SLC26A2: variants seen among roughly 807,000 people sequenced by gnomAD.
The protein encoded by SLC26A2 is solute carrier family 26 member 2.
Under a neutral mutation model 41.1 loss-of-function variants are expected in SLC26A2, and 36 were observed. The observed-to-expected ratio is 0.88, with a 90% CI of 0.67 to 1.16. SLC26A2 has a LOEUF of 1.16. SLC26A2 is among the 50% of genes most tolerant of loss of function. The probability of loss-of-function intolerance (pLI) is 0.00; values close to 1 mark genes in which losing one functional copy is unlikely to be tolerated. For missense variants in SLC26A2, 796 were observed against 869.6 expected (o/e 0.92, Z 1.07); for synonymous variants, 291 against 311.6 (o/e 0.93, Z 0.70).
Position 149,977,889 on chromosome 5 carries a change from G to C in SLC26A2, c.237G>C (p.Gln79His). The C allele has an allele frequency of 6.2e-7, 1 of 1,614,206 alleles. No individual in the cohort carries two copies. The change falls in exon 2 of 3, where the codon CAG becomes CAC. Residue 79 changes from glutamine to histidine, a missense_variant. Transcript: ENST00000286298. Reference protein sequence around the residue: ...FVIKKLQKNCQCSPAKAKNMI... With the variant: ...FVIKKLQKNCHCSPAKAKNMI... Reference sequence around the variant, plus strand: ...TTAAAAAGCTGCAGAAGAATTGCCAGTGCAGTCCAGCCAAAGCCAAAAATA... The same window carrying C: ...TTAAAAAGCTGCAGAAGAATTGCCACTGCAGTCCAGCCAAAGCCAAAAATA...
chr5:149,981,423 G>C lies in SLC26A2; in HGVS notation c.1830G>C (p.Lys610Asn). Residue 610 changes from lysine (K) to asparagine (N), a missense_variant, in exon 3 of 3, where the codon AAG becomes AAC. Physicochemically the swap from Lys to Asn is moderately conservative, Grantham distance 94. Transcript: ENST00000286298. ...AAACTGTCAACCCAATCTTAATAAA[G>C]GTGGCTTGGAAGAAGGCAGCAAAGA... ...YKQTVNPILI[K>N]VAWKKAAKRK... 1 of 1,613,930 alleles carries C rather than the reference G, an allele frequency of 6.2e-7. No individual in the cohort carries two copies. The highest frequency in any genetic ancestry group is 2.2e-5 in the East Asian group (1 of 44,882).
chr5:149,977,639 ATC>A lies in SLC26A2; in HGVS notation c.-12_-11del, dbSNP rs1319388959. Reference sequence around the variant, plus strand: ...TTTCTCTGGTGTAGGAAGCTGAACCATCTATCTCCAGAAATGTCTTCAGAAAG... The same window carrying A: ...TTTCTCTGGTGTAGGAAGCTGAACCATATCTCCAGAAATGTCTTCAGAAAG... On this transcript the variant is annotated 5_prime_UTR_variant, in exon 2 of 3. Coordinates refer to ENST00000286298, the MANE Select transcript of SLC26A2 (RefSeq NM_000112.4). 1 of 1,576,070 alleles carries A rather than the reference ATC, an allele frequency of 6.3e-7. No homozygotes were observed. The highest frequency in any genetic ancestry group is 8.7e-7 in the Non-Finnish European group (1 of 1,145,626).
At chr5:149,969,058 GA>G (rs1754857238) in intron 1 of SLC26A2, among the ~76,000 whole-genome samples, 1 of 152,110 alleles carries the variant, frequency 6.6e-6, no homozygotes, top group Non-Finnish European at 1.5e-5. Context: ...GTCTTTTAAA[GA>G]AACAAAAATT....
At chr5:149,965,207 G>A (rs947273276) in intron 1 of SLC26A2, among the ~76,000 whole-genome samples, 2 of 152,196 alleles carry the variant, frequency 1.3e-5, no homozygotes, top group African/African-American at 4.8e-5. Flanking sequence ...GTGTGGCTGG[G>A]CGCGGTGGCT....
Position 149,981,246 on chromosome 5 carries a change from T to C in SLC26A2, c.1653T>C (p.Ser551=). 6.2e-7 allele frequency: 1 copy of C among 1,614,138 alleles called. No homozygotes were observed. Among genetic ancestry groups the C allele is most frequent in the Non-Finnish European group, 8.5e-7 (1 of 1,180,018 alleles). Residue 551 remains serine, a synonymous_variant, in exon 3 of 3, where the codon AGT becomes AGC. Coordinates refer to ENST00000286298, the MANE Select transcript of SLC26A2 (RefSeq NM_000112.4). ...CVILRTQKPK[S]SLLGLVEESE... is the part of the protein sequence containing the mutation. ...TCCTCCGCACTCAGAAGCCAAAGAG[T>C]TCACTGCTTGGCTTGGTGGAAGAGT...
intron 1 of SLC26A2, among the ~76,000 whole-genome samples, chr5:149,963,275 A>G (rs992624766): frequency 1.4e-5 from 2 of 146,546 alleles, no homozygotes; most frequent in Non-Finnish European, 3.0e-5. Flanking sequence ...ACGCCTGGCT[A>G]ATTTTTTTTT....
In SLC26A2 at chr5:149,980,437, G is replaced by C. The variant is rs571410872; in HGVS notation, c.844G>C (p.Gly282Arg). 12 of 1,613,994 alleles carry C rather than the reference G, an allele frequency of 7.4e-6. No homozygotes were observed. In the East Asian group the frequency reaches 1.6e-4, roughly 21 times the overall value. Residue 282 changes from glycine (G) to arginine (R), a missense_variant, in exon 3 of 3, where the codon GGT becomes CGT. Physicochemically the swap from Gly to Arg is moderately radical, Grantham distance 125. Transcript: ENST00000286298. Reference protein sequence around the residue: ...LLGLNLPRTNGVGSLITTWIH... With the variant: ...LLGLNLPRTNRVGSLITTWIH... ...TGGGCTCAACCTTCCTCGGACTAAT[G>C]GTGTGGGCTCACTCATCACTACCTG...
intron 1 of SLC26A2, among the ~76,000 whole-genome samples, chr5:149,970,233 C>T (rs1754878087): frequency 6.6e-6 from 1 of 152,098 alleles, no homozygotes; most frequent in South Asian, 2.1e-4. Context: ...TGAGGCCAGG[C>T]ATGGTGGCTC....
chr5:149,963,963 A>C (rs1364158988), intron 1 of SLC26A2, among the ~76,000 whole-genome samples: 1 of 152,114 alleles, frequency 6.6e-6, no homozygotes, highest in African/African-American at 2.4e-5. Flanking sequence ...AAAGGCCCCA[A>C]GGGCAAAGGC....
rs1159380577 is a variant in SLC26A2, at chr5:149,981,377, T to C, written c.1784T>C (p.Phe595Ser). Residue 595 changes from phenylalanine to serine, a missense_variant, in exon 3 of 3, where the codon TTT (phenylalanine) becomes TCT (serine). Phe to Ser is a radical substitution (Grantham distance 155, BLOSUM62 -2). Coordinates refer to ENST00000286298, the MANE Select transcript of SLC26A2 (RefSeq NM_000112.4). ...APLYYINKEC[F>S]KSALYKQTVN... ...CTCTACTACATAAACAAAGAATGCT[T>C]TAAATCTGCTTTATACAAACAAACT... 1 of 1,614,090 alleles carries C rather than the reference T, an allele frequency of 6.2e-7. No individual in the cohort carries two copies. The highest frequency in any genetic ancestry group is 1.6e-4 in the Middle Eastern group (1 of 6,062).
In SLC26A2 at chr5:149,982,298, G is replaced by A. The variant is rs1396262381; in HGVS notation, c.*485G>A. The A allele has an allele frequency of 1.3e-5, 2 of 153,774 alleles. No homozygotes were observed. Among genetic ancestry groups the A allele is most frequent in the African/African-American group, 2.4e-5 (1 of 41,462 alleles). 9.5% of individuals were successfully genotyped at this position (153,774 alleles called of 1,614,324 possible). ...GGATCACAAAGTCATAACTAGACAG[G>A]TTTGTTCTTGTAGTTTTCTATCCCC... is the stretch of plus-strand genomic sequence containing the variant. On this transcript the variant is annotated 3_prime_UTR_variant, in exon 3 of 3. Transcript: ENST00000286298.
chr5:149,977,647 C>G lies in SLC26A2; in HGVS notation c.-6C>G, dbSNP rs1378895396. On this transcript the variant is annotated 5_prime_UTR_variant, in exon 2 of 3. Coordinates refer to ENST00000286298, the MANE Select transcript of SLC26A2 (RefSeq NM_000112.4). ...GTGTAGGAAGCTGAACCATCTATCTCCAGAAATGTCTTCAGAAAGTAAAGA... is the reference window on the plus strand; with the variant it reads ...GTGTAGGAAGCTGAACCATCTATCTGCAGAAATGTCTTCAGAAAGTAAAGA... 2 of 1,603,436 alleles carry G rather than the reference C, an allele frequency of 1.2e-6. No homozygotes were observed. The highest frequency in any genetic ancestry group is 1.7e-6 in the Non-Finnish European group (2 of 1,170,562).
At chr5:149,963,186 T>C (rs577654751) in intron 1 of SLC26A2, among the ~76,000 whole-genome samples, 2 of 152,174 alleles carry the variant, frequency 1.3e-5, no homozygotes, top group East Asian at 3.9e-4. Context: ...CTTGGCTCAC[T>C]GCAATCTCTG....
chr5:149,965,703 A>G (rs142147036), intron 1 of SLC26A2, among the ~76,000 whole-genome samples: 10 of 152,118 alleles, frequency 6.6e-5, no homozygotes, highest in Admixed American at 3.9e-4. Flanking sequence ...TTAAGACTTC[A>G]GGTTTTCCAC....
chr5:149,960,930 A>T lies in SLC26A2; in HGVS notation c.-75A>T. On this transcript the variant is annotated 5_prime_UTR_variant, in exon 1 of 3. Coordinates refer to ENST00000286298, the MANE Select transcript of SLC26A2 (RefSeq NM_000112.4). ...GTCCACCTCAGTCAGGCCACGGTGGAAGACGCGTGCCGCGGCGCCTGGTTG... is the reference window on the plus strand; with the variant it reads ...GTCCACCTCAGTCAGGCCACGGTGGTAGACGCGTGCCGCGGCGCCTGGTTG... 1 of 152,646 alleles carries T rather than the reference A, an allele frequency of 6.6e-6. No individual in the cohort carries two copies. Among genetic ancestry groups the T allele is most frequent in the Non-Finnish European group, 1.5e-5 (1 of 68,422 alleles). 9.5% of individuals were successfully genotyped at this position (152,646 alleles called of 1,614,324 possible). A position where few individuals can be genotyped will look rare whatever the true frequency, so the allele number is the denominator to read the frequency against.
At chr5:149,969,489 T>G (rs551791475) in intron 1 of SLC26A2, among the ~76,000 whole-genome samples, 1 of 152,330 alleles carries the variant, frequency 6.6e-6, no homozygotes, top group African/African-American at 2.4e-5. Context: ...TTCCTATCTT[T>G]CCATTTTCTT....
At chr5:149,970,558 G>T (rs986114116) in intron 1 of SLC26A2, among the ~76,000 whole-genome samples, 3 of 152,072 alleles carry the variant, frequency 2.0e-5, no homozygotes, top group African/African-American at 7.2e-5. Context: ...GAACATACCT[G>T]TATAGATCTG....
intron 1 of SLC26A2, 23 bp from the exon 2 acceptor site, chr5:149,977,605 C>A: frequency 1.7e-6 from 2 of 1,164,382 alleles, no homozygotes; most frequent in Non-Finnish European, 2.6e-6. Context: ...TATTGATGAA[C>A]ACTGGTATTT....
rs1403346827 is a variant in SLC26A2 at position 149,985,351 on chromosome 5, T to A, written c.*3538T>A. ...GGACCAAAGGAAAACAAGATTTAGA[T>A]AGTCTGACTTTGCTTTTGAACAACA... On this transcript the variant is annotated 3_prime_UTR_variant, in exon 3 of 3. Coordinates refer to ENST00000286298, the MANE Select transcript of SLC26A2 (RefSeq NM_000112.4). The A allele has an allele frequency of 2.6e-5, 4 of 152,228 alleles. No homozygotes were observed. The highest frequency in any genetic ancestry group is 5.9e-5 in the Non-Finnish European group (4 of 68,034). 9.4% of individuals were successfully genotyped at this position (152,228 alleles called of 1,614,324 possible).
Sources: allele counts gnomAD v4.1 joint callset (sites outside exome capture counted in the v4.1 genomes callset), GRCh38; gene constraint gnomAD v4.1.1; transcripts MANE v1.5; gene names NCBI Gene and HGNC (gene_info 2026-07-23, HGNC 2026-07-21).